Variants in GMDS observed in about 807,000 individuals in gnomAD.
The protein encoded by GMDS is GDP-mannose 4,6 dehydratase.
A neutral mutation model predicts 49.9 loss-of-function variants in GMDS; 20 were observed. That is an observed-to-expected ratio of 0.40 (90% CI 0.28 to 0.58). The LOEUF is 0.58. GMDS is among the 20% of genes least tolerant of loss of function. The pLI is 0.42. For synonymous variants in GMDS, 177 were observed against 178.6 expected, an observed-to-expected ratio of 0.99 and a Z score of 0.07; for missense variants, 362 against 481.4, an observed-to-expected ratio of 0.75 and a Z score of 2.32.
chr6:1,850,806 A>C (rs1232057936), intron 7 of GMDS, among the ~76,000 whole-genome samples: 26 of 152,168 alleles, frequency 1.7e-4, no homozygotes, highest in Admixed American at 1.7e-3. Flanking sequence ...AACCTCACTT[A>C]AGTGTCATTG....
At chr6:1,787,170 A>G (rs964656952) in intron 7 of GMDS, among the ~76,000 whole-genome samples, 2 of 152,230 alleles carry the variant, frequency 1.3e-5, no homozygotes, top group African/African-American at 4.8e-5. Context: ...TATAAATCAG[A>G]GTCATGAGTT....
chr6:2,055,487 T>C (rs1474607352), intron 4 of GMDS, among the ~76,000 whole-genome samples: 7 of 152,176 alleles, frequency 4.6e-5, no homozygotes, highest in African/African-American at 1.7e-4. Context: ...CTACTTACTA[T>C]CATGTCTGGC....
chr6:1,827,374 C>CAT (rs199847407), intron 7 of GMDS, among the ~76,000 whole-genome samples: 5,099 of 143,222 alleles, frequency 0.036, 594 homozygotes, highest in Middle Eastern at 0.069. Flanking sequence ...TATATACACA[C>CAT]GTTTTGGAAA....
intron 4 of GMDS, among the ~76,000 whole-genome samples, chr6:1,993,902 G>A (rs1373325744): frequency 3.3e-5 from 5 of 152,134 alleles, no homozygotes; most frequent in Admixed American, 2.6e-4. Context: ...GCCACGGGAC[G>A]GTGATGAGAG....
At chr6:1,650,748 T>TC (rs1763627184) in intron 9 of GMDS, among the ~76,000 whole-genome samples, 1 of 151,386 alleles carries the variant, frequency 6.6e-6, no homozygotes, top group Non-Finnish European at 1.5e-5. Flanking sequence ...CTAATTTTTT[T>TC]TTGTATTTTT....
At chr6:2,199,608 C>T (rs1169923755) in intron 1 of GMDS, among the ~76,000 whole-genome samples, 3 of 152,180 alleles carry the variant, frequency 2.0e-5, no homozygotes, top group Non-Finnish European at 4.4e-5. Flanking sequence ...CTGCCTGAAA[C>T]CCTTCCTCCT....
At chr6:2,178,113 C>A (rs1778365374) in intron 1 of GMDS, among the ~76,000 whole-genome samples, 1 of 152,106 alleles carries the variant, frequency 6.6e-6, no homozygotes, top group Non-Finnish European at 1.5e-5. Context: ...AAGATGGGAA[C>A]AATAGACACT....
intron 9 of GMDS, among the ~76,000 whole-genome samples, chr6:1,654,813 A>G (rs918683793): frequency 6.6e-6 from 1 of 152,168 alleles, no homozygotes; most frequent in African/African-American, 2.4e-5. Flanking sequence ...CTGTAATTCC[A>G]GCACTTTGGG....
At chr6:2,172,415 G>C (rs537937454) in intron 1 of GMDS, among the ~76,000 whole-genome samples, 1 of 152,092 alleles carries the variant, frequency 6.6e-6, no homozygotes, top group Non-Finnish European at 1.5e-5. Context: ...TGATATGGCC[G>C]GGCGCAGTGG....
Position 2,001,260 on chromosome 6 carries a change from T to G in GMDS, c.346-40294A>C, listed in dbSNP as rs142681089. 1.6e-4 allele frequency among the ~76,000 whole-genome samples: 25 copies of G among 152,348 alleles called. No individual in the cohort carries two copies. In the East Asian group the frequency reaches 4.8e-3, roughly 29 times the overall value. On this transcript the variant is annotated intron_variant, in intron 4 of 10. Transcript: ENST00000380815. ...ATGACTAATGATGTCAAGCATCTTT[T>G]CACATGCTTATTGGTCATTTGTAAA...
intron 1 of GMDS, among the ~76,000 whole-genome samples, chr6:2,138,066 C>T (rs1276942951): frequency 6.6e-6 from 1 of 152,152 alleles, no homozygotes; most frequent in Admixed American, 6.5e-5. Context: ...ATCTGAAATT[C>T]TTTGAAACAG....
chr6:1,960,786 G>T lies in GMDS; in HGVS notation c.526C>A (p.Arg176=). The T allele has an allele frequency of 6.3e-7, 1 of 1,595,212 alleles. No individual in the cohort carries two copies. The highest frequency in any genetic ancestry group is 1.3e-5 in the African/African-American group (1 of 74,798). ...PQKETTPFYP[R]SPYGAAKLYA... ...CGCATGTTCTCACCATAGGGTGACC[G>T]GGGATAGAAAGGGGTGGTCTCCTTC... The change falls in exon 5 of 11, where the codon CGG becomes AGG. Residue 176 remains arginine (R), a synonymous_variant. Transcript: ENST00000380815.
chr6:1,673,754 G>A (rs571457344), intron 9 of GMDS, among the ~76,000 whole-genome samples: 1 of 151,944 alleles, frequency 6.6e-6, no homozygotes, highest in East Asian at 1.9e-4. Context: ...CCATAGTTTC[G>A]CCTTTCCCAG....
At chr6:1,869,567 A>C (rs1027585165) in intron 7 of GMDS, among the ~76,000 whole-genome samples, 2 of 152,248 alleles carry the variant, frequency 1.3e-5, no homozygotes, top group South Asian at 2.1e-4. Flanking sequence ...GTTGATCTGC[A>C]TAAGAACCAC....
intron 4 of GMDS, among the ~76,000 whole-genome samples, chr6:2,021,957 G>A (rs1768300899): frequency 6.6e-6 from 1 of 152,188 alleles, no homozygotes; most frequent in Non-Finnish European, 1.5e-5. Flanking sequence ...TGCTAACACA[G>A]CAGGCCCAAC....
chr6:2,208,363 C>A (rs367604880), intron 1 of GMDS, among the ~76,000 whole-genome samples: 2 of 152,168 alleles, frequency 1.3e-5, no homozygotes, highest in African/African-American at 4.8e-5. Context: ...TTCAATATTC[C>A]GTTTTACAGA....
At chr6:2,186,074 A>C (rs1363885737) in intron 1 of GMDS, among the ~76,000 whole-genome samples, 1 of 152,222 alleles carries the variant, frequency 6.6e-6, no homozygotes, top group Non-Finnish European at 1.5e-5. Flanking sequence ...CAAGTCACCC[A>C]AACTGTAGTG....
intron 4 of GMDS, among the ~76,000 whole-genome samples, chr6:2,006,709 T>C (rs1272564348): frequency 6.6e-6 from 1 of 152,204 alleles, no homozygotes; most frequent in African/African-American, 2.4e-5. Context: ...ACCTTTTCCA[T>C]TCTGTAACCA....
chr6:2,034,545 T>TTTATG (rs1202808475), intron 4 of GMDS, among the ~76,000 whole-genome samples: 2 of 152,180 alleles, frequency 1.3e-5, no homozygotes, highest in African/African-American at 2.4e-5. Flanking sequence ...AATAGTTGAA[T>TTTATG]TTATGGTATG....
Sources: allele counts gnomAD v4.1 joint callset (sites outside exome capture counted in the v4.1 genomes callset), GRCh38; gene constraint gnomAD v4.1.1; transcripts MANE v1.5; gene names NCBI Gene and HGNC (gene_info 2026-07-23, HGNC 2026-07-21).